The following MCFD2 variants were observed in gnomAD, a reference collection of about 807,000 sequenced individuals.
MCFD2 encodes multiple coagulation factor deficiency protein 2.
Under a neutral mutation model 12.8 loss-of-function variants are expected in MCFD2, and 11 were observed. That is an observed-to-expected ratio of 0.86 (90% CI 0.54 to 1.42). The LOEUF (loss-of-function observed/expected upper bound fraction) is 1.42. Ranked by LOEUF, MCFD2 falls within the 40% of genes most tolerant of loss-of-function variation. The pLI is 0.00. For synonymous variants in MCFD2, 70 were observed against 68.1 expected (o/e 1.03, Z -0.14); for missense variants, 191 against 178.6 (o/e 1.07, Z -0.40).
intron 3 of MCFD2, chr2:46,906,008 T>C (rs753166623): frequency 1.3e-5 from 6 of 471,708 alleles, no homozygotes; most frequent in South Asian, 6.2e-5. Context: ...CAGTGACGAA[T>C]TGGACAACAA....
Position 46,908,222 on chromosome 2 carries a change from T to C in MCFD2, c.150-253A>G, listed in dbSNP as rs2103744670. Reference sequence around the variant, plus strand: ...CCTCTTTATTATTAGAATTTTGTTATAACATTTTCAGGCCATCAATTTAAA... The same window carrying C: ...CCTCTTTATTATTAGAATTTTGTTACAACATTTTCAGGCCATCAATTTAAA... On this transcript the variant is annotated intron_variant, in intron 2 of 3. Transcript: ENST00000319466. This position sits in a 1 kb window ranked among gnomAD's most constrained non-coding sequence, Gnocchi z 4.5. 1.9e-6 allele frequency: 1 copy of C among 535,512 alleles called. No homozygotes were observed. Among genetic ancestry groups the C allele is most frequent in the East Asian group, 3.3e-5 (1 of 29,916 alleles). 33.2% of individuals were successfully genotyped at this position (535,512 alleles called of 1,614,324 possible).
rs1668102965 is a variant in MCFD2, at chr2:46,903,712, G to A, written c.*1751C>T. The stretch of plus-strand genomic sequence containing the variant: ...TGAGAGAGATGATTTAGGTTAACTA[G>A]CGGAAGAAATTTCTAAGCAGCAAAG... On this transcript the variant is annotated 3_prime_UTR_variant, in exon 4 of 4. Coordinates refer to ENST00000319466, the MANE Select transcript of MCFD2 (RefSeq NM_139279.6). The A allele has an allele frequency of 6.6e-6, 1 of 152,192 alleles. No homozygotes were observed. The highest frequency in any genetic ancestry group is 2.1e-4 in the South Asian group (1 of 4,826). The allele number at this position is 152,192 out of a possible 1,614,324, so 9.4% of individuals were successfully genotyped here. A position where few individuals can be genotyped will look rare whatever the true frequency, so the allele number is the denominator to read the frequency against.
intron 1 of MCFD2, among the ~76,000 whole-genome samples, chr2:46,933,413 C>T (rs1669813491): frequency 6.6e-6 from 1 of 152,224 alleles, no homozygotes; most frequent in Non-Finnish European, 1.5e-5. Context: ...CTACTATGTG[C>T]AAGCACAAAG....
At position 46,941,444 on chromosome 2, in the gene MCFD2, C is replaced by G. The variant is rs1670365488; in HGVS notation, c.-8+128G>C. 1 of 1,338,722 alleles carries G rather than the reference C, an allele frequency of 7.5e-7. No homozygotes were observed. The highest frequency in any genetic ancestry group is 9.7e-7 in the Non-Finnish European group (1 of 1,028,274). 82.9% of individuals were successfully genotyped at this position (1,338,722 alleles called of 1,614,324 possible). A position where few individuals can be genotyped will look rare whatever the true frequency, so the allele number is the denominator to read the frequency against. Reference sequence around the variant, plus strand: ...CGGGCCCCGGCTGCCGTCTGCGCCCCCGTCGACCCCGCCCGCGAGTGCGCC... The same window carrying G: ...CGGGCCCCGGCTGCCGTCTGCGCCCGCGTCGACCCCGCCCGCGAGTGCGCC... On this transcript the variant is annotated intron_variant, in intron 1 of 2. Coordinates refer to the MCFD2 transcript ENST00000409147. The surrounding 1 kb of genome is among the most constrained non-coding windows in gnomAD (Gnocchi z 4.2).
chr2:46,935,414 A>C (rs182682338), intron 1 of MCFD2, among the ~76,000 whole-genome samples: 69 of 151,982 alleles, frequency 4.5e-4, no homozygotes, highest in Non-Finnish European at 7.7e-4. Context: ...GAGCTTAAGC[A>C]AAAAAAATAA....
chr2:46,928,769 G>GAA (rs879845279), intron 1 of MCFD2, among the ~76,000 whole-genome samples: 8 of 133,414 alleles, frequency 6.0e-5, no homozygotes, highest in African/African-American at 2.2e-4. Flanking sequence ...TGTTTCAAAA[G>GAA]AAAAAAAAAA....
At chr2:46,930,497 A>AT (rs575100979) in intron 1 of MCFD2, among the ~76,000 whole-genome samples, 4,637 of 132,024 alleles carry the variant, frequency 0.035, 109 homozygotes, top group Non-Finnish European at 0.052. Flanking sequence ...AAGTCCTATA[A>AT]TTTTTTTTTT....
chr2:46,923,708 A>C (rs912897869), intron 1 of MCFD2, among the ~76,000 whole-genome samples: 1 of 152,086 alleles, frequency 6.6e-6, no homozygotes, highest in Non-Finnish European at 1.5e-5. Flanking sequence ...CCTGCACAAC[A>C]TAGGAAGACC....
chr2:46,930,852 A>G (rs1669664996), intron 1 of MCFD2, among the ~76,000 whole-genome samples: 1 of 152,192 alleles, frequency 6.6e-6, no homozygotes, highest in African/African-American at 2.4e-5. Context: ...AAACCTTCCC[A>G]TAAATAGCTG....
In MCFD2 at chr2:46,937,057, T is replaced by C. The variant is rs1402568546; in HGVS notation, c.-8+4515A>G. Among the ~76,000 whole-genome samples, 1 of 152,056 alleles carries C rather than the reference T, an allele frequency of 6.6e-6. No homozygotes were observed. The highest frequency in any genetic ancestry group is 1.5e-5 in the Non-Finnish European group (1 of 68,012). Reference sequence around the variant, plus strand: ...TTTTTGTAGAGATGGGTTTTTGCCATATTGCCCAGGCTCGTCTCGAACTCC... The same window carrying C: ...TTTTTGTAGAGATGGGTTTTTGCCACATTGCCCAGGCTCGTCTCGAACTCC... On this transcript the variant is annotated intron_variant, in intron 1 of 2. Transcript: ENST00000409147. This position sits in a 1 kb window ranked among gnomAD's most constrained non-coding sequence, Gnocchi z 4.0.
Position 46,940,369 on chromosome 2 carries a change from C to T in MCFD2, c.-8+1203G>A, listed in dbSNP as rs1430530850. ...GTTTCGGGTCTTGCTGTGGCTTCTC[C>T]AGCACTGGTCTGTGAGCTGCGGCGG... On this transcript the variant is annotated intron_variant, in intron 1 of 2. Coordinates refer to the MCFD2 transcript ENST00000409147. The surrounding 1 kb of genome is among the most constrained non-coding windows in gnomAD (Gnocchi z 4.7). Among the ~76,000 whole-genome samples, 1 of 152,122 alleles carries T rather than the reference C, an allele frequency of 6.6e-6. No homozygotes were observed.
intron 1 of MCFD2, among the ~76,000 whole-genome samples, chr2:46,915,187 G>T (rs1197900652): frequency 6.6e-6 from 1 of 152,242 alleles, no homozygotes. Flanking sequence ...GAGAATGAAC[G>T]TATCCAAGAC....
At chr2:46,936,883 G>T (rs1210178432) in intron 1 of MCFD2, among the ~76,000 whole-genome samples, 52 of 141,536 alleles carry the variant, frequency 3.7e-4, no homozygotes, top group East Asian at 2.5e-3. Flanking sequence ...TTTTGAGATA[G>T]GCTCTCTGTC....
chr2:46,920,186 G>A (rs1669027585), upstream of MCFD2, among the ~76,000 whole-genome samples: 1 of 152,060 alleles, frequency 6.6e-6, no homozygotes, highest in Non-Finnish European at 1.5e-5. Flanking sequence ...TATTAATTAT[G>A]TATACATTAA....
At chr2:46,933,813 G>A (rs908874757) in intron 1 of MCFD2, among the ~76,000 whole-genome samples, 26 of 152,200 alleles carry the variant, frequency 1.7e-4, no homozygotes, top group South Asian at 4.1e-4. Flanking sequence ...AGGATTTCTA[G>A]GGTGACAGCA....
intron 1 of MCFD2, among the ~76,000 whole-genome samples, chr2:46,923,546 T>C (rs1381268261): frequency 6.6e-6 from 1 of 152,134 alleles, no homozygotes; most frequent in Non-Finnish European, 1.5e-5. Flanking sequence ...ATCAGACCTG[T>C]CTCTTTACTC....
chr2:46,913,264 C>T (rs554744663), intron 1 of MCFD2, among the ~76,000 whole-genome samples: 20 of 152,198 alleles, frequency 1.3e-4, no homozygotes, highest in South Asian at 2.1e-4. Flanking sequence ...AACAGGGAAT[C>T]GGGCTGGGCA....
At position 46,902,600 on chromosome 2, in the gene MCFD2, A is replaced by G. The variant is rs188802724; in HGVS notation, c.*2863T>C. On this transcript the variant is annotated 3_prime_UTR_variant, in exon 4 of 4. Transcript: ENST00000319466. ...ATACTGAAAATCTGAAAGAGTCATC[A>G]CTTAAGCCAGTAGTGTATCATTTCC... 118 of 152,794 alleles carry G rather than the reference A, an allele frequency of 7.7e-4. No individual in the cohort carries two copies. Among genetic ancestry groups the G allele is most frequent in the African/African-American group, 2.7e-3 (111 of 41,592 alleles). The allele number at this position is 152,794 out of a possible 1,614,324, so 9.5% of individuals were successfully genotyped here.
At chr2:46,918,748 C>G (rs1438787524), upstream of MCFD2, among the ~76,000 whole-genome samples, 1 of 152,208 alleles carries the variant, frequency 6.6e-6, no homozygotes, top group Non-Finnish European at 1.5e-5. Context: ...GGAGAAATCT[C>G]ACGAGCAATA....
Sources: allele counts gnomAD v4.1 joint callset (sites outside exome capture counted in the v4.1 genomes callset), GRCh38; gene constraint gnomAD v4.1.1; non-coding constraint Gnocchi (gnomAD v3.1); transcripts MANE v1.5; gene names NCBI Gene and HGNC (gene_info 2026-07-23, HGNC 2026-07-21).